The following POU2F1 variants were observed in gnomAD, a reference collection of about 807,000 sequenced individuals.
The protein encoded by POU2F1 is POU class 2 homeobox 1, also known as POU domain, class 2, transcription factor 1.
In POU2F1, 16 loss-of-function variants were observed where a neutral mutation model predicts 84.9. The observed-to-expected ratio is 0.19, with a 90% CI of 0.13 to 0.29. POU2F1 has a LOEUF of 0.29. POU2F1 is among the 10% of genes least tolerant of loss of function. The pLI is 1.00. For synonymous variants in POU2F1, 368 were observed against 368.3 expected (o/e 1.00, Z 0.01); for missense variants, 738 against 942.6 (o/e 0.78, Z 2.84).
intron 2 of POU2F1, among the ~76,000 whole-genome samples, chr1:167,334,644 G>A (rs182762447): frequency 3.9e-5 from 6 of 152,206 alleles, no homozygotes; most frequent in African/African-American, 1.2e-4. Context: ...TTCTTGCCTC[G>A]TTTTAATATA....
At chr1:167,292,349 C>T (rs569276038) in intron 1 of POU2F1, among the ~76,000 whole-genome samples, 5 of 152,090 alleles carry the variant, frequency 3.3e-5, no homozygotes, top group South Asian at 2.1e-4. Flanking sequence ...TTTTTATCTG[C>T]ACTTTCCATT....
rs1334080401 is a variant in POU2F1 at position 167,266,570 on chromosome 1, A to G, written c.61+45612A>G. Reference sequence around the variant, plus strand: ...TTGTCTGGGATCAAGGGAAACAGCCACTGTCACATAATATTGGGAAGGTAC... The same window carrying G: ...TTGTCTGGGATCAAGGGAAACAGCCGCTGTCACATAATATTGGGAAGGTAC... On this transcript the variant is annotated intron_variant, in intron 1 of 15. Transcript: ENST00000367866. Among the ~76,000 whole-genome samples the G allele has an allele frequency of 2.6e-5, 4 of 152,026 alleles. No individual in the cohort carries two copies. The East Asian group carries it at 7.7e-4, about 29-fold the overall frequency.
intron 1 of POU2F1, among the ~76,000 whole-genome samples, chr1:167,291,890 C>T (rs1286322873): frequency 6.6e-6 from 1 of 152,134 alleles, no homozygotes; most frequent in Non-Finnish European, 1.5e-5. Context: ...ACTGTAGGTG[C>T]TCTCTTTTGT....
intron 9 of POU2F1, among the ~76,000 whole-genome samples, chr1:167,391,624 C>T (rs1450257040): frequency 8.6e-6 from 1 of 116,506 alleles, no homozygotes; most frequent in Admixed American, 1.3e-4. Context: ...GGCTGGAGTA[C>T]AGTGGCATGA....
intron 1 of POU2F1, among the ~76,000 whole-genome samples, chr1:167,244,474 A>G (rs1320881986): frequency 6.6e-6 from 1 of 152,194 alleles, no homozygotes; most frequent in Non-Finnish European, 1.5e-5. Flanking sequence ...CAAGCACATG[A>G]GAAGAGCCAG....
At chr1:167,253,159 C>T (rs1650852654) in intron 1 of POU2F1, among the ~76,000 whole-genome samples, 1 of 152,178 alleles carries the variant, frequency 6.6e-6, no homozygotes, top group South Asian at 2.1e-4. Context: ...GGGACAGTTT[C>T]ACTTAAGAGG....
intron 1 of POU2F1, among the ~76,000 whole-genome samples, chr1:167,278,426 G>C (rs999270256): frequency 2.6e-5 from 4 of 152,206 alleles, no homozygotes; most frequent in African/African-American, 9.6e-5. Flanking sequence ...GCACATGGTA[G>C]GGATTTCATA....
chr1:167,408,343 A>G (rs1032809280), intron 13 of POU2F1, among the ~76,000 whole-genome samples: 19 of 152,330 alleles, frequency 1.2e-4, no homozygotes, highest in African/African-American at 4.6e-4. Context: ...ACATAAATTT[A>G]CCGTCCTACC....
rs761624234 is a variant in POU2F1, at chr1:167,412,338, G to T, written c.1901+34G>T. 1.5e-5 allele frequency: 22 copies of T among 1,480,400 alleles called. No homozygotes were observed. In the South Asian group the frequency reaches 2.5e-4, roughly 17 times the overall value. The allele number at this position is 1,480,400 out of a possible 1,614,324, so 91.7% of individuals were successfully genotyped here. ...CTTTCTCATCTCATTCACGTCTGAG[G>T]TGGAGGTCATCCCTGGAATTACTCA... On this transcript the variant is annotated intron_variant, in intron 14 of 15. Transcript: ENST00000367866.
In POU2F1 at chr1:167,399,379, A is replaced by AT. The variant is rs753690777; in HGVS notation, c.1449+15dup. ...CCAACTTCACTGGTAAGAATAAAAAATAGGGAGTGCAAGCTCAAGGGCTAA... is the reference window on the plus strand; with the variant it reads ...CCAACTTCACTGGTAAGAATAAAAAATTAGGGAGTGCAAGCTCAAGGGCTAA... On this transcript the variant is annotated intron_variant, in intron 12 of 15. Transcript: ENST00000367866. 6.3e-7 allele frequency: 1 copy of AT among 1,599,040 alleles called. No individual in the cohort carries two copies. The highest frequency in any genetic ancestry group is 1.3e-5 in the African/African-American group (1 of 74,422).
At chr1:167,298,814 C>G (rs1654457968) in intron 1 of POU2F1, among the ~76,000 whole-genome samples, 1 of 152,136 alleles carries the variant, frequency 6.6e-6, no homozygotes, top group African/African-American at 2.4e-5. Flanking sequence ...CTGTGTGTCT[C>G]TGGTCACTTT....
chr1:167,258,854 G>C (rs1651341845), intron 1 of POU2F1, among the ~76,000 whole-genome samples: 1 of 152,210 alleles, frequency 6.6e-6, no homozygotes, highest in Admixed American at 6.5e-5. Flanking sequence ...ACAACATTTT[G>C]CCTAATTGGG....
chr1:167,247,126 A>G (rs922144401), intron 1 of POU2F1, among the ~76,000 whole-genome samples: 3 of 151,748 alleles, frequency 2.0e-5, no homozygotes, highest in Non-Finnish European at 2.9e-5. Flanking sequence ...CCCAGGATGA[A>G]GTGCAGAGGT....
chr1:167,396,050 A>G (rs1291274551), intron 9 of POU2F1, among the ~76,000 whole-genome samples: 1 of 152,244 alleles, frequency 6.6e-6, no homozygotes, highest in Non-Finnish European at 1.5e-5. Context: ...GAGATTCAAA[A>G]TGGGAAAGTA....
In POU2F1 at chr1:167,386,315, C is replaced by G. The variant is rs1477107548; in HGVS notation, c.813+2364C>G. Among the ~76,000 whole-genome samples the G allele has an allele frequency of 2.0e-5, 3 of 152,282 alleles. No homozygotes were observed. The East Asian group carries it at 5.8e-4, about 29-fold the overall frequency. The stretch of plus-strand genomic sequence containing the variant: ...GCTCAAGCAATCCTCCCGCATCAGC[C>G]TCCTGAGTAGCTGGGACTACAGGCG... On this transcript the variant is annotated intron_variant, in intron 8 of 15. Coordinates refer to ENST00000367866, the MANE Select transcript of POU2F1 (RefSeq NM_002697.4).
At chr1:167,294,212 G>A (rs1159815330) in intron 1 of POU2F1, among the ~76,000 whole-genome samples, 1 of 150,950 alleles carries the variant, frequency 6.6e-6, no homozygotes, top group Non-Finnish European at 1.5e-5. Flanking sequence ...AGCCAGGTGT[G>A]GTGGCGGGCA....
chr1:167,257,269 C>T (rs540167455), intron 1 of POU2F1, among the ~76,000 whole-genome samples: 3 of 152,276 alleles, frequency 2.0e-5, no homozygotes, highest in African/African-American at 7.2e-5. Flanking sequence ...TTCATGTGAG[C>T]ATGAGGATAA....
At chr1:167,300,866 G>C (rs1468198137) in intron 1 of POU2F1, among the ~76,000 whole-genome samples, 3 of 152,100 alleles carry the variant, frequency 2.0e-5, no homozygotes, top group Non-Finnish European at 2.9e-5. Context: ...CAACCCCCTG[G>C]TTCAGGCAGT....
chr1:167,276,116 A>G (rs1279229862), intron 1 of POU2F1, among the ~76,000 whole-genome samples: 1 of 152,224 alleles, frequency 6.6e-6, no homozygotes, highest in Non-Finnish European at 1.5e-5. Flanking sequence ...AAAATCCAAG[A>G]CATAATTTAT....
Sources: allele counts gnomAD v4.1 joint callset (sites outside exome capture counted in the v4.1 genomes callset), GRCh38; gene constraint gnomAD v4.1.1; transcripts MANE v1.5; gene names NCBI Gene and HGNC (gene_info 2026-07-23, HGNC 2026-07-21).